Variants in AGBL4 observed in about 807,000 individuals in gnomAD.
AGBL4 encodes AGBL carboxypeptidase 4.
In AGBL4, 58 loss-of-function variants were observed where a neutral mutation model predicts 66.4. That is an observed-to-expected ratio of 0.87 (90% CI 0.71 to 1.09). AGBL4 has a LOEUF of 1.09. AGBL4 is among the 50% of genes least tolerant of loss of function. AGBL4 has a pLI of 0.00. For synonymous variants in AGBL4, 234 were observed against 222.9 expected, an observed-to-expected ratio of 1.05 and a Z score of -0.44; for missense variants, 579 against 631.0, an observed-to-expected ratio of 0.92 and a Z score of 0.88.
At chr1:49,777,545 C>T (rs1644229605) in intron 2 of AGBL4, among the ~76,000 whole-genome samples, 1 of 152,116 alleles carries the variant, frequency 6.6e-6, no homozygotes, top group Non-Finnish European at 1.5e-5. Flanking sequence ...AAGAGAAGAG[C>T]AGTTTTTAAT....
rs76056195 is a variant in AGBL4 at position 49,755,141 on chromosome 1, A to C, written c.158-57704T>G. Among the ~76,000 whole-genome samples the C allele has an allele frequency of 1.1e-3, 175 of 152,288 alleles. 5 individuals carry two copies. The East Asian group carries it at 0.031, about 27-fold the overall frequency. The stretch of plus-strand genomic sequence containing the variant: ...CTAGCCAAGTTGAGACATAAAATTA[A>C]CCATCACATCAACCCTTAAGATCAG... On this transcript the variant is annotated intron_variant, in intron 2 of 13. Transcript: ENST00000371839.
chr1:49,592,027 G>A (rs1644761203), intron 3 of AGBL4, among the ~76,000 whole-genome samples: 1 of 152,052 alleles, frequency 6.6e-6, no homozygotes, highest in Admixed American at 6.6e-5. Context: ...CATAGGCCCT[G>A]GCAACAATTT....
rs961090072 is a variant in AGBL4 at position 49,335,456 on chromosome 1, A to G, written c.283-89592T>C. 3.9e-4 allele frequency among the ~76,000 whole-genome samples: 59 copies of G among 152,264 alleles called. 1 individual carries two copies. Among genetic ancestry groups the G allele is most frequent in the African/African-American group, 1.3e-3 (56 of 41,556 alleles). ...CTGTAAACATAAGTCAAATTGTGTT[A>G]TTTCACTGCTTAAGACACTCTAATG... is the stretch of plus-strand genomic sequence containing the variant. On this transcript the variant is annotated intron_variant, in intron 3 of 13. Coordinates refer to ENST00000371839, the MANE Select transcript of AGBL4 (RefSeq NM_032785.4).
intron 6 of AGBL4, among the ~76,000 whole-genome samples, chr1:48,779,323 T>C (rs1022392131): frequency 1.3e-5 from 2 of 152,208 alleles, no homozygotes; most frequent in African/African-American, 4.8e-5. Flanking sequence ...CTATTTGACA[T>C]TTCCAAAGAT....
At chr1:49,674,601 T>C (rs539855043) in intron 3 of AGBL4, among the ~76,000 whole-genome samples, 16 of 137,388 alleles carry the variant, frequency 1.2e-4, no homozygotes, top group South Asian at 6.8e-4. Context: ...CACACACACA[T>C]ATGTTTAACC....
At chr1:48,839,057 A>G (rs1448307825) in intron 6 of AGBL4, among the ~76,000 whole-genome samples, 1 of 152,166 alleles carries the variant, frequency 6.6e-6, no homozygotes, top group Non-Finnish European at 1.5e-5. Context: ...GAGAAAGGGG[A>G]ATGATCATAC....
chr1:48,720,594 T>C (rs1236368342), intron 6 of AGBL4, among the ~76,000 whole-genome samples: 2 of 152,152 alleles, frequency 1.3e-5, no homozygotes, highest in Non-Finnish European at 2.9e-5. Flanking sequence ...CACAGGTTTG[T>C]GTGAGAATGA....
chr1:49,735,296 GGTGTGTGTGTGT>G (rs34172664), intron 2 of AGBL4, among the ~76,000 whole-genome samples: 5 of 127,312 alleles, frequency 3.9e-5, no homozygotes, highest in East Asian at 2.2e-4. Flanking sequence ...GAGGTGTGTG[GGTGTGTGTGTGT>G]GTGTGTGTGT....
chr1:49,466,892 C>T (rs1646643039), intron 3 of AGBL4, among the ~76,000 whole-genome samples: 1 of 151,710 alleles, frequency 6.6e-6, no homozygotes, highest in South Asian at 2.1e-4. Flanking sequence ...ATGAATCATC[C>T]AGAGATAGTG....
intron 3 of AGBL4, among the ~76,000 whole-genome samples, chr1:49,359,188 G>C (rs1644085275): frequency 6.6e-6 from 1 of 152,162 alleles, no homozygotes; most frequent in Non-Finnish European, 1.5e-5. Flanking sequence ...GGAATGGGTT[G>C]AATTAGATTA....
chr1:49,949,023 G>C (rs1388914042), intron 1 of AGBL4, among the ~76,000 whole-genome samples: 1 of 151,716 alleles, frequency 6.6e-6, no homozygotes, highest in African/African-American at 2.4e-5. Context: ...GAACATAATA[G>C]TGAACCCAGA....
chr1:49,842,275 G>T, intron 2 of AGBL4: 4 of 453,056 alleles, frequency 8.8e-6, no homozygotes, highest in Non-Finnish European at 8.5e-6. Context: ...ACGCCTTCAG[G>T]CTTCTGGTCT....
chr1:49,877,551 T>C (rs1647055912), intron 1 of AGBL4, among the ~76,000 whole-genome samples: 1 of 151,616 alleles, frequency 6.6e-6, no homozygotes, highest in South Asian at 2.1e-4. Context: ...GGCTGCTGGA[T>C]TCGGTTTGCC....
chr1:49,774,668 T>C (rs115648670), intron 2 of AGBL4, among the ~76,000 whole-genome samples: 56 of 152,372 alleles, frequency 3.7e-4, no homozygotes, highest in African/African-American at 1.2e-3. Context: ...TTTTCTATCA[T>C]GACTGAAGAA....
intron 4 of AGBL4, among the ~76,000 whole-genome samples, chr1:49,081,990 A>C (rs534824165): frequency 1.3e-5 from 2 of 152,332 alleles, no homozygotes; most frequent in East Asian, 3.9e-4. Flanking sequence ...CCAATTTCAA[A>C]AGGTAGAAAA....
intron 1 of AGBL4, among the ~76,000 whole-genome samples, chr1:50,021,672 T>C (rs901541390): frequency 5.3e-5 from 8 of 152,182 alleles, no homozygotes; most frequent in Non-Finnish European, 1.2e-4. Context: ...ACTGCTACCT[T>C]CTAAGGTCTC....
At chr1:49,822,985 C>G (rs531104941) in intron 2 of AGBL4, among the ~76,000 whole-genome samples, 5 of 152,264 alleles carry the variant, frequency 3.3e-5, no homozygotes, top group African/African-American at 1.2e-4. Context: ...TGCATCTCCT[C>G]TTTTAATTGT....
chr1:49,816,762 C>G (rs1040166737), intron 2 of AGBL4, among the ~76,000 whole-genome samples: 4 of 152,124 alleles, frequency 2.6e-5, no homozygotes, highest in African/African-American at 9.7e-5. Flanking sequence ...TATTAGATAA[C>G]AAGACTAATT....
intron 4 of AGBL4, among the ~76,000 whole-genome samples, chr1:49,208,566 C>T (rs547272338): frequency 6.6e-6 from 1 of 151,966 alleles, no homozygotes; most frequent in African/African-American, 2.4e-5. Flanking sequence ...ACACATGATG[C>T]CTGTCTCAGA....
Sources: allele counts gnomAD v4.1 joint callset (sites outside exome capture counted in the v4.1 genomes callset), GRCh38; gene constraint gnomAD v4.1.1; transcripts MANE v1.5; gene names NCBI Gene and HGNC (gene_info 2026-07-23, HGNC 2026-07-21).